The following HIPK2 variants were observed in gnomAD, a reference collection of about 807,000 sequenced individuals.
The protein encoded by HIPK2 is homeodomain-interacting protein kinase 2.
Under a neutral mutation model 113.7 loss-of-function variants are expected in HIPK2, and 27 were observed. The observed-to-expected ratio is 0.24, with a 90% CI of 0.17 to 0.33. The LOEUF (loss-of-function observed/expected upper bound fraction) is 0.33. Ranked by LOEUF, HIPK2 falls within the 10% of genes least tolerant of loss-of-function variation. The probability of loss-of-function intolerance (pLI) is 1.00; values close to 1 mark genes in which losing one functional copy is unlikely to be tolerated. For missense variants in HIPK2, 1,257 were observed against 1,588.0 expected (o/e 0.79, Z 3.54); for synonymous variants, 631 against 642.2 (o/e 0.98, Z 0.26).
At chr7:139,623,056 A>C (rs1800292408) in intron 6 of HIPK2, among the ~76,000 whole-genome samples, 1 of 152,240 alleles carries the variant, frequency 6.6e-6, no homozygotes, top group South Asian at 2.1e-4. Flanking sequence ...CCCTATCCTC[A>C]GTCTCCTATC....
chr7:139,719,883 C>G (rs533498008), intron 1 of HIPK2, among the ~76,000 whole-genome samples: 1 of 152,352 alleles, frequency 6.6e-6, no homozygotes, highest in South Asian at 2.1e-4. Flanking sequence ...CCTGAGCACT[C>G]TGTCTCCCTT....
intron 2 of HIPK2, among the ~76,000 whole-genome samples, chr7:139,649,664 C>A (rs573725688): frequency 1.6e-4 from 24 of 152,178 alleles, no homozygotes; most frequent in South Asian, 4.2e-4. Flanking sequence ...CTGTCTGTGC[C>A]TCTGATTAAC....
In HIPK2 at chr7:139,636,360, T is replaced by C. The variant is rs1256737493; in HGVS notation, c.1104-4635A>G. 2.6e-5 allele frequency among the ~76,000 whole-genome samples: 4 copies of C among 151,950 alleles called. 1 individual carries two copies. In the South Asian group the frequency reaches 6.2e-4, roughly 24 times the overall value. On this transcript the variant is annotated intron_variant, in intron 2 of 14. Transcript: ENST00000406875. ...TCTCCTTCCACCCAGCCCTAGATAATTGTTATGGGTTGAATTGTGTCCCCC... is the reference window on the plus strand; with the variant it reads ...TCTCCTTCCACCCAGCCCTAGATAACTGTTATGGGTTGAATTGTGTCCCCC...
chr7:139,675,589 G>A (rs890565196), intron 2 of HIPK2, among the ~76,000 whole-genome samples: 1 of 152,180 alleles, frequency 6.6e-6, no homozygotes, highest in South Asian at 2.1e-4. Context: ...GAGAGTTACT[G>A]TGGAGAAAAG....
chr7:139,716,553 G>A lies in HIPK2; in HGVS notation c.482C>T (p.Ala161Val), dbSNP rs1795248331. The part of the protein sequence containing the change: ...PPMIQNNASG[A>V]TVATATTSTA... ...AGACGTGGTGGCAGTGGCGACAGTG[G>A]CCCCGCTTGCATTATTCTGAATCAT... is the stretch of plus-strand genomic sequence containing the variant. Residue 161 changes from alanine to valine, a missense_variant, in exon 2 of 15, where the codon GCC (alanine) becomes GTC (valine). Physicochemically the swap from Ala to Val is moderately conservative, Grantham distance 64. This residue lies in a region of HIPK2 where 209 missense variants were observed against 237.8 expected (regional missense o/e 0.88). Coordinates refer to ENST00000406875, the MANE Select transcript of HIPK2 (RefSeq NM_022740.5). This position sits in a 1 kb window ranked among gnomAD's most constrained non-coding sequence, Gnocchi z 9.3. 1.4e-5 allele frequency: 22 copies of A among 1,614,012 alleles called. No individual in the cohort carries two copies. The highest frequency in any genetic ancestry group is 1.9e-5 in the Non-Finnish European group (22 of 1,179,900).
chr7:139,639,285 C>T (rs1800923393), intron 2 of HIPK2, among the ~76,000 whole-genome samples: 1 of 152,168 alleles, frequency 6.6e-6, no homozygotes. Context: ...ATCCAGCCCA[C>T]CTGAAGCATG....
chr7:139,620,663 A>G lies in HIPK2; in HGVS notation c.1620-100T>C, dbSNP rs554433302. 3.1e-5 allele frequency: 44 copies of G among 1,432,808 alleles called. No homozygotes were observed. The East Asian group carries it at 9.6e-4, about 31-fold the overall frequency. The allele number at this position is 1,432,808 out of a possible 1,614,324, so 88.8% of individuals were successfully genotyped here. On this transcript the variant is annotated intron_variant, in intron 6 of 14. Transcript: ENST00000406875. The stretch of plus-strand genomic sequence containing the variant: ...AAACAAAGGAAAGGAGAGAAGGGTT[A>G]ATTCAGTAAACAGGACAAGCAGGGA...
chr7:139,670,556 G>A (rs1370704869), intron 2 of HIPK2, among the ~76,000 whole-genome samples: 1 of 151,112 alleles, frequency 6.6e-6, no homozygotes, highest in African/African-American at 2.4e-5. Context: ...ACTCCAGCCT[G>A]GGTGATAGAG....
rs140167544 is a variant in HIPK2, at chr7:139,681,491, C to T, written c.1103+34441G>A. Among the ~76,000 whole-genome samples the T allele has an allele frequency of 2.6e-4, 39 of 152,308 alleles. No individual in the cohort carries two copies. In the East Asian group the frequency reaches 7.1e-3, roughly 28 times the overall value. ...CCAAAGGCTTCTTCCGGAACCCCTGCTGTTTTCTATAATCAGCGCCAGTGC... is the reference window on the plus strand; with the variant it reads ...CCAAAGGCTTCTTCCGGAACCCCTGTTGTTTTCTATAATCAGCGCCAGTGC... On this transcript the variant is annotated intron_variant, in intron 2 of 14. Transcript: ENST00000406875.
chr7:139,720,996 C>T (rs1795391834), intron 1 of HIPK2, among the ~76,000 whole-genome samples: 2 of 152,182 alleles, frequency 1.3e-5, no homozygotes, highest in Non-Finnish European at 2.9e-5. Flanking sequence ...TGGAAATCAT[C>T]ACTGGCTGCC....
chr7:139,738,410 C>T (rs993057546), intron 1 of HIPK2, among the ~76,000 whole-genome samples: 1 of 152,220 alleles, frequency 6.6e-6, no homozygotes, highest in Non-Finnish European at 1.5e-5. Context: ...GTCTATGCAG[C>T]CCTTGAAAAT....
chr7:139,725,492 T>G (rs1795549170), intron 1 of HIPK2, among the ~76,000 whole-genome samples: 1 of 152,216 alleles, frequency 6.6e-6, no homozygotes, highest in Non-Finnish European at 1.5e-5. Context: ...CAATAACAAA[T>G]GCTAAAGCAA....
At chr7:139,678,569 G>A (rs1802588630) in intron 2 of HIPK2, among the ~76,000 whole-genome samples, 1 of 152,184 alleles carries the variant, frequency 6.6e-6, no homozygotes, top group Non-Finnish European at 1.5e-5. Context: ...TGCTGTTTTG[G>A]TTACTGTAGC....
chr7:139,753,153 C>T (rs965434665), intron 1 of HIPK2, among the ~76,000 whole-genome samples: 2 of 152,176 alleles, frequency 1.3e-5, no homozygotes, highest in Admixed American at 1.3e-4. Context: ...AGTGGGCCCC[C>T]CAGTGCTGCT....
At chr7:139,642,471 A>G (rs1801059708) in intron 2 of HIPK2, among the ~76,000 whole-genome samples, 1 of 152,260 alleles carries the variant, frequency 6.6e-6, no homozygotes, top group Non-Finnish European at 1.5e-5. Context: ...GGGCAGCTGC[A>G]TGGAGAGACA....
chr7:139,720,163 C>T (rs1795367565), intron 1 of HIPK2, among the ~76,000 whole-genome samples: 1 of 152,222 alleles, frequency 6.6e-6, no homozygotes, highest in Admixed American at 6.5e-5. Flanking sequence ...CTTTACCTGG[C>T]ATGCCTTTGC....
chr7:139,734,344 G>A (rs139420217), intron 1 of HIPK2, among the ~76,000 whole-genome samples: 4 of 152,276 alleles, frequency 2.6e-5, no homozygotes, highest in African/African-American at 4.8e-5. Context: ...TGGAAGGCAC[G>A]GGATCTTCAG....
intron 1 of HIPK2, among the ~76,000 whole-genome samples, chr7:139,730,732 C>T (rs997260870): frequency 6.6e-6 from 1 of 152,174 alleles, no homozygotes; most frequent in African/African-American, 2.4e-5. Context: ...ATGTTAAGTC[C>T]TAACCCCCAG....
intron 14 of HIPK2, among the ~76,000 whole-genome samples, chr7:139,574,204 T>C (rs1395823403): frequency 6.6e-6 from 1 of 151,930 alleles, no homozygotes; most frequent in African/African-American, 2.4e-5. Context: ...TCTCACAACA[T>C]CTCTACAAAA....
Sources: gnomAD v4.1 joint callset for allele counts (sites outside exome capture counted in the v4.1 genomes callset) on GRCh38, gnomAD v4.1.1 for gene constraint, gnomAD v4.1.1 regional missense constraint, Gnocchi (gnomAD v3.1) non-coding constraint, MANE v1.5 for transcripts, NCBI Gene and HGNC (gene_info 2026-07-23, HGNC 2026-07-21) for gene names.